LDB3: variants seen among roughly 807,000 people sequenced by gnomAD.
LDB3 encodes LIM domain-binding protein 3.
A neutral mutation model predicts 69.0 loss-of-function variants in LDB3; 49 were observed. The observed-to-expected ratio is 0.71, with a 90% CI of 0.56 to 0.90. The LOEUF is 0.90. Among genes scored for constraint, LDB3 ranks in the 40% least tolerant of loss-of-function variants. The probability of loss-of-function intolerance (pLI) is 0.00; values close to 1 mark genes in which losing one functional copy is unlikely to be tolerated. For synonymous variants in LDB3, 387 were observed against 396.2 expected (o/e 0.98, Z 0.28); for missense variants, 928 against 974.1 (o/e 0.95, Z 0.63).
intron 10 of LDB3, 76 bp from the exon 11 acceptor site, chr10:86,717,888 A>G (rs1846933248): frequency 7.5e-7 from 1 of 1,341,626 alleles, no homozygotes; most frequent in Non-Finnish European, 1.1e-6. Context: ...AAGTATAAAC[A>G]GTGTTGGGGT....
chr10:86,729,719 G>T (rs1162121499), intron 13 of LDB3, among the ~76,000 whole-genome samples: 1 of 152,146 alleles, frequency 6.6e-6, no homozygotes. Flanking sequence ...CCTTATGAGG[G>T]TTCCCACCCT....
At chr10:86,680,696 G>A (rs1845066507) in intron 4 of LDB3, among the ~76,000 whole-genome samples, 1 of 152,184 alleles carries the variant, frequency 6.6e-6, no homozygotes, top group Admixed American at 6.5e-5. Context: ...GCACAGGGGA[G>A]AAGGGAGGCC....
rs1847532515 is a variant in LDB3 at position 86,733,055 on chromosome 10, T to C, written c.*79T>C. ...ACAAAGGATTCGGGAGGCTGATGTT[T>C]CTTCTGAGGGGAATGGGGAGAGAGA... On this transcript the variant is annotated 3_prime_UTR_variant, in exon 14 of 14. Transcript: ENST00000361373. The C allele has an allele frequency of 2.0e-6, 2 of 984,592 alleles. No homozygotes were observed. Among genetic ancestry groups the C allele is most frequent in the Non-Finnish European group, 3.2e-6 (2 of 626,118 alleles). 61.0% of individuals were successfully genotyped at this position (984,592 alleles called of 1,614,324 possible). A position where few individuals can be genotyped will look rare whatever the true frequency, so the allele number is the denominator to read the frequency against.
intron 13 of LDB3, among the ~76,000 whole-genome samples, chr10:86,727,829 C>T (rs1847310190): frequency 6.8e-6 from 1 of 147,172 alleles, no homozygotes; most frequent in South Asian, 2.2e-4. Flanking sequence ...CTGTGTGGGT[C>T]TCCTTTTTTT....
intron 5 of LDB3, among the ~76,000 whole-genome samples, chr10:86,682,883 C>T (rs1564636215): frequency 6.6e-6 from 1 of 152,224 alleles, no homozygotes; most frequent in Non-Finnish European, 1.5e-5. Context: ...TTTGCCCTTG[C>T]AGCAGAAGGC....
At chr10:86,668,235 A>G (rs1408657634), upstream of LDB3, among the ~76,000 whole-genome samples, 1 of 152,186 alleles carries the variant, frequency 6.6e-6, no homozygotes, top group Non-Finnish European at 1.5e-5. Flanking sequence ...GAGCAAGAGG[A>G]TGGGTACCAC....
intron 5 of LDB3, among the ~76,000 whole-genome samples, chr10:86,686,539 G>A (rs1402536003): frequency 2.0e-4 from 31 of 152,224 alleles, no homozygotes; most frequent in Admixed American, 2.0e-3. Context: ...TCTATGGCCA[G>A]GAGTGGTGGC....
At chr10:86,672,243 C>T (rs1310391822) in intron 2 of LDB3, among the ~76,000 whole-genome samples, 1 of 152,254 alleles carries the variant, frequency 6.6e-6, no homozygotes, top group Non-Finnish European at 1.5e-5. Flanking sequence ...GAGTCGGGGG[C>T]TGAGCCTGGG....
At chr10:86,706,795 GC>G in intron 8 of LDB3, 76 bp downstream of exon 8, 1 of 1,484,654 alleles carries the variant, frequency 6.7e-7, no homozygotes, top group Non-Finnish European at 9.1e-7. Flanking sequence ...TCTACCTGTG[GC>G]CAGCTGTGTC....
intron 4 of LDB3, among the ~76,000 whole-genome samples, chr10:86,680,863 A>C (rs1845077589): frequency 6.6e-6 from 1 of 152,042 alleles, no homozygotes; most frequent in African/African-American, 2.4e-5. Context: ...CAGTGGGGAG[A>C]GGGGAGAAAA....
In LDB3 at chr10:86,681,729, G is replaced by A. The variant is rs775061423; in HGVS notation, c.615G>A (p.Glu205=). Residue 205 remains glutamate (E), a synonymous_variant, in exon 5 of 14, where the codon GAG becomes GAA. Coordinates refer to ENST00000361373, the MANE Select transcript of LDB3 (RefSeq NM_007078.3). ...YNNPIGLYSA[E]TLREMAQMYQ... ...ACCCCATTGGCCTGTACTCGGCAGA[G>A]ACCCTGAGGGAGATGGCTCAGATGT... 3.1e-6 allele frequency: 5 copies of A among 1,608,556 alleles called. No homozygotes were observed. The East Asian group carries it at 8.9e-5, about 29-fold the overall frequency.
chr10:86,667,305 C>T (rs901169065), upstream of LDB3, among the ~76,000 whole-genome samples: 1 of 152,112 alleles, frequency 6.6e-6, no homozygotes, highest in Non-Finnish European at 1.5e-5. Context: ...CAAGCCAGAC[C>T]CCTCCAAGAG....
At chr10:86,680,004 C>T in intron 3 of LDB3, 78 bp from the exon 4 acceptor site, 7 of 1,307,236 alleles carry the variant, frequency 5.4e-6, no homozygotes, top group Non-Finnish European at 7.8e-6. Context: ...TTGCTCTCTC[C>T]TCACCAGCCC....
intron 6 of LDB3, 118 bp from the exon 7 acceptor site, chr10:86,692,417 G>T: frequency 9.8e-7 from 1 of 1,025,282 alleles, no homozygotes; most frequent in Non-Finnish European, 1.6e-6. Context: ...GACAGGCAAG[G>T]GGGCAGTCAC....
Position 86,691,800 on chromosome 10 carries a change from C to T in LDB3, c.690-96C>T, listed in dbSNP as rs111737744. On this transcript the variant is annotated intron_variant, in intron 5 of 13. Coordinates refer to ENST00000361373, the MANE Select transcript of LDB3 (RefSeq NM_007078.3). Reference sequence around the variant, plus strand: ...GGATAAAGGCAAGGTGGGGACAGAACGATAGGGGCCACCAATGGGCATGGA... The same window carrying T: ...GGATAAAGGCAAGGTGGGGACAGAATGATAGGGGCCACCAATGGGCATGGA... The T allele has an allele frequency of 4.8e-4, 667 of 1,399,534 alleles. 3 individuals carry two copies. The African/African-American group carries it at 7.5e-3, about 16-fold the overall frequency. 86.7% of individuals were successfully genotyped at this position (1,399,534 alleles called of 1,614,324 possible).
chr10:86,704,692 G>A (rs903517042), intron 7 of LDB3, among the ~76,000 whole-genome samples: 9 of 150,252 alleles, frequency 6.0e-5, no homozygotes, highest in East Asian at 2.0e-4. Flanking sequence ...CCATTCTCCC[G>A]CCTCAGCCCC....
chr10:86,731,990 C>A (rs996596630), intron 13 of LDB3, among the ~76,000 whole-genome samples: 4 of 134,646 alleles, frequency 3.0e-5, no homozygotes, highest in African/African-American at 1.2e-4. Context: ...AACTAATTTT[C>A]TTTTCTTTCT....
intron 2 of LDB3, among the ~76,000 whole-genome samples, chr10:86,676,565 AAAAAAAAAAAAAAAGAG>A (rs1844802405): frequency 4.1e-5 from 1 of 24,690 alleles, no homozygotes; most frequent in Admixed American, 4.3e-4. Flanking sequence ...ACCCTGTCTC[AAAAAAAAAAAAAAAGAG>A]AAAGAAAAAA....
intron 7 of LDB3, among the ~76,000 whole-genome samples, chr10:86,700,660 T>C (rs916138117): frequency 6.6e-6 from 1 of 152,112 alleles, no homozygotes; most frequent in Admixed American, 6.5e-5. Context: ...TGTGGCCTTG[T>C]CCTAGTCCTG....
Sources: gnomAD v4.1 joint callset for allele counts (sites outside exome capture counted in the v4.1 genomes callset) on GRCh38, gnomAD v4.1.1 for gene constraint, MANE v1.5 for transcripts, NCBI Gene and HGNC (gene_info 2026-07-23, HGNC 2026-07-21) for gene names.